The following THSD7B variants were observed in gnomAD, a reference collection of about 807,000 sequenced individuals.
The protein encoded by THSD7B is thrombospondin type 1 domain containing 7B, also known as thrombospondin type-1 domain-containing protein 7B.
THSD7B carries 138 observed loss-of-function variants against 213.6 expected under a neutral mutation model. The observed-to-expected ratio is 0.65, with a 90% CI of 0.56 to 0.74. The LOEUF (loss-of-function observed/expected upper bound fraction) is 0.74, where lower values mean the gene tolerates loss of function less well. Ranked by LOEUF, THSD7B falls within the 30% of genes least tolerant of loss-of-function variation. THSD7B has a pLI of 0.00. For synonymous variants in THSD7B, 742 were observed against 687.0 expected (o/e 1.08, Z -1.25); for missense variants, 1,931 against 1,991.5 (o/e 0.97, Z 0.58).
At chr2:136,954,382 C>G (rs1685088320) in intron 2 of THSD7B, among the ~76,000 whole-genome samples, 1 of 152,138 alleles carries the variant, frequency 6.6e-6, no homozygotes, top group African/African-American at 2.4e-5. Flanking sequence ...GATTTTCCTC[C>G]TCGTTGGATG....
intron 12 of THSD7B, among the ~76,000 whole-genome samples, chr2:137,399,717 T>G (rs771830558): frequency 1.8e-4 from 27 of 152,198 alleles, no homozygotes; most frequent in Non-Finnish European, 3.5e-4. Flanking sequence ...TTGCTGGGCC[T>G]TCTGTATCTG....
intron 2 of THSD7B, among the ~76,000 whole-genome samples, chr2:136,993,075 A>G (rs1315533478): frequency 3.3e-5 from 5 of 152,242 alleles, no homozygotes; most frequent in Non-Finnish European, 7.3e-5. Context: ...AAATGAAGGG[A>G]AACAAAGCCA....
At chr2:137,272,941 C>A (rs180707774) in intron 11 of THSD7B, among the ~76,000 whole-genome samples, 1 of 150,520 alleles carries the variant, frequency 6.6e-6, no homozygotes, top group Non-Finnish European at 1.5e-5. Context: ...GGATCATGTT[C>A]GAAAGAGATT....
chr2:137,582,699 A>G (rs1408453437), intron 17 of THSD7B, among the ~76,000 whole-genome samples: 2 of 152,034 alleles, frequency 1.3e-5, no homozygotes, highest in Non-Finnish European at 1.5e-5. Context: ...ATAGCATTCC[A>G]TGGTGTATAT....
At chr2:137,330,856 C>A (rs1047093536) in intron 12 of THSD7B, among the ~76,000 whole-genome samples, 1 of 152,164 alleles carries the variant, frequency 6.6e-6, no homozygotes, top group African/African-American at 2.4e-5. Flanking sequence ...TGGCCCCACC[C>A]ACGTCCTGCT....
chr2:137,555,528 C>T (rs571513099), intron 15 of THSD7B, among the ~76,000 whole-genome samples: 3 of 152,110 alleles, frequency 2.0e-5, no homozygotes, highest in Non-Finnish European at 2.9e-5. Context: ...ACATCCACAC[C>T]AAAACCCCAT....
chr2:136,869,623 C>G (rs1024735433), intron 1 of THSD7B, among the ~76,000 whole-genome samples: 10 of 152,164 alleles, frequency 6.6e-5, no homozygotes, highest in Non-Finnish European at 1.3e-4. Flanking sequence ...TTATAGAAAC[C>G]ATTCTCTTTA....
chr2:137,052,202 C>G (rs1266172177), intron 2 of THSD7B, among the ~76,000 whole-genome samples: 1 of 152,138 alleles, frequency 6.6e-6, no homozygotes, highest in East Asian at 1.9e-4. Flanking sequence ...AATACTTGGA[C>G]TATTCAACAG....
At chr2:137,093,248 C>T (rs962330851) in intron 3 of THSD7B, among the ~76,000 whole-genome samples, 1 of 139,306 alleles carries the variant, frequency 7.2e-6, no homozygotes, top group Admixed American at 7.1e-5. Context: ...TCGAAGAACC[C>T]TTGTACCTTG....
At chr2:137,663,616 G>A (rs1307209114) in intron 26 of THSD7B, 41 bp downstream of exon 26, 1 of 1,533,466 alleles carries the variant, frequency 6.5e-7, no homozygotes, top group Non-Finnish European at 8.8e-7. Context: ...ATTTTCTCAT[G>A]GGAGGTCTAT....
At chr2:136,872,328 G>A (rs1032167751) in intron 1 of THSD7B, among the ~76,000 whole-genome samples, 1 of 139,304 alleles carries the variant, frequency 7.2e-6, no homozygotes, top group Admixed American at 8.1e-5. Context: ...GACTCCAGGT[G>A]TTGCCTCTGT....
intron 1 of THSD7B, among the ~76,000 whole-genome samples, chr2:136,809,843 T>C (rs917323858): frequency 1.3e-5 from 2 of 151,970 alleles, no homozygotes; most frequent in African/African-American, 4.8e-5. Context: ...ATGACAATAA[T>C]GAAAAAAGTG....
At chr2:136,816,782 T>C (rs1360046544) in intron 1 of THSD7B, among the ~76,000 whole-genome samples, 1 of 152,216 alleles carries the variant, frequency 6.6e-6, no homozygotes. Flanking sequence ...TATATCCTTA[T>C]GGCTGAGAAA....
intron 3 of THSD7B, among the ~76,000 whole-genome samples, chr2:137,078,038 A>G (rs1262704661): frequency 6.6e-6 from 1 of 152,204 alleles, no homozygotes; most frequent in Non-Finnish European, 1.5e-5. Flanking sequence ...TCAGCTTTCT[A>G]CATTTGGCTA....
rs1156668060 is a variant in THSD7B, at chr2:137,195,634, T to C, written c.1723+24696T>C. The stretch of plus-strand genomic sequence containing the variant: ...ATAACTATTAAATAAAGTATAAATC[T>C]GCTTGATATTAATAAATGCATGAAT... On this transcript the variant is annotated intron_variant, in intron 7 of 27. Coordinates refer to ENST00000409968, the MANE Select transcript of THSD7B (RefSeq NM_001316349.2). Among the ~76,000 whole-genome samples, 3 of 152,158 alleles carry C rather than the reference T, an allele frequency of 2.0e-5. No homozygotes were observed. The East Asian group carries it at 5.8e-4, about 29-fold the overall frequency.
intron 10 of THSD7B, among the ~76,000 whole-genome samples, chr2:137,268,035 T>C (rs1682636956): frequency 6.6e-6 from 1 of 152,208 alleles, no homozygotes; most frequent in Non-Finnish European, 1.5e-5. Flanking sequence ...TGGTTACCTT[T>C]TGGATTTCTG....
At chr2:137,625,063 T>G (rs1682596582) in intron 20 of THSD7B, among the ~76,000 whole-genome samples, 1 of 152,018 alleles carries the variant, frequency 6.6e-6, no homozygotes, top group Non-Finnish European at 1.5e-5. Context: ...TAGCAAAGAC[T>G]TGGAACCAAC....
intron 2 of THSD7B, among the ~76,000 whole-genome samples, chr2:136,975,488 A>G (rs1280523443): frequency 1.3e-5 from 2 of 152,096 alleles, no homozygotes; most frequent in African/African-American, 4.8e-5. Flanking sequence ...CAAAGATAAG[A>G]TGGTTGTGGA....
At chr2:137,070,553 T>A (rs1175033905) in intron 3 of THSD7B, among the ~76,000 whole-genome samples, 3 of 134,548 alleles carry the variant, frequency 2.2e-5, no homozygotes, top group African/African-American at 3.2e-5. Flanking sequence ...AATTTTTTAT[T>A]TTTTTTTTAA....
Sources: gnomAD v4.1 joint callset for allele counts (sites outside exome capture counted in the v4.1 genomes callset) on GRCh38, gnomAD v4.1.1 for gene constraint, MANE v1.5 for transcripts, NCBI Gene and HGNC (gene_info 2026-07-23, HGNC 2026-07-21) for gene names.